ADAT2: variants seen among roughly 807,000 people sequenced by gnomAD.
ADAT2 encodes tRNA-specific adenosine-34 deaminase catalytic subunit ADAT2.
In ADAT2, 26 loss-of-function variants were observed where a neutral mutation model predicts 25.9. The observed-to-expected ratio is 1.00, with a 90% CI of 0.74 to 1.39. The LOEUF is 1.39. Ranked by LOEUF, ADAT2 falls within the 40% of genes most tolerant of loss-of-function variation. The probability of loss-of-function intolerance (pLI) is 0.00; values close to 1 mark genes in which losing one functional copy is unlikely to be tolerated. For missense variants in ADAT2, 220 were observed against 244.8 expected (o/e 0.90, Z 0.68); for synonymous variants, 76 against 86.8 (o/e 0.88, Z 0.69).
chr6:143,448,168 G>A (rs958343004), intron 1 of ADAT2, among the ~76,000 whole-genome samples: 3 of 151,870 alleles, frequency 2.0e-5, no homozygotes, highest in Admixed American at 6.6e-5. Flanking sequence ...ACCAAACACC[G>A]CATGTTCTCA....
rs1410912870 is a variant in ADAT2 at position 143,427,145 on chromosome 6, AATT to A, written c.*1315_*1317del. On this transcript the variant is annotated 3_prime_UTR_variant, in exon 6 of 6. Coordinates refer to ENST00000237283, the MANE Select transcript of ADAT2 (RefSeq NM_182503.3). ...CACACACACACACACAAAACCAAGCAATTATAAGTCCTCTGAAGCATGTAACTG... is the reference window on the plus strand; with the variant it reads ...CACACACACACACACAAAACCAAGCAATAAGTCCTCTGAAGCATGTAACTG... The A allele has an allele frequency of 2.0e-5, 3 of 151,506 alleles. No individual in the cohort carries two copies. Among genetic ancestry groups the A allele is most frequent in the Admixed American group, 6.6e-5 (1 of 15,134 alleles). 9.4% of individuals were successfully genotyped at this position (151,506 alleles called of 1,614,324 possible). A position where few individuals can be genotyped will look rare whatever the true frequency, so the allele number is the denominator to read the frequency against.
intron 1 of ADAT2, among the ~76,000 whole-genome samples, chr6:143,448,366 C>A (rs971085796): frequency 1.3e-5 from 2 of 152,038 alleles, no homozygotes; most frequent in African/African-American, 4.8e-5. Flanking sequence ...CAAACCTGCA[C>A]ATTGTGCACA....
intron 4 of ADAT2, among the ~76,000 whole-genome samples, chr6:143,430,343 G>A (rs966660922): frequency 6.6e-6 from 1 of 152,028 alleles, no homozygotes; most frequent in African/African-American, 2.4e-5. Flanking sequence ...AGCACTGTTG[G>A]CCCCCTGCCT....
chr6:143,430,554 G>T lies in ADAT2; in HGVS notation c.460-1870C>A, dbSNP rs369890770. On this transcript the variant is annotated intron_variant, in intron 4 of 5. Coordinates refer to ENST00000237283, the MANE Select transcript of ADAT2 (RefSeq NM_182503.3). ...AACAAATTTGTGGTGTTAATAAAAAGCAAACATTCATAATAATTTTTTTTT... is the reference window on the plus strand; with the variant it reads ...AACAAATTTGTGGTGTTAATAAAAATCAAACATTCATAATAATTTTTTTTT... 2.7e-5 allele frequency among the ~76,000 whole-genome samples: 4 copies of T among 149,272 alleles called. No homozygotes were observed. In the South Asian group the frequency reaches 8.4e-4, roughly 31 times the overall value.
Position 143,444,935 on chromosome 6 carries a change from GCA to G in ADAT2, c.96+5626_96+5627del, listed in dbSNP as rs1427282162. On this transcript the variant is annotated intron_variant, in intron 1 of 5. Transcript: ENST00000237283. The surrounding 1 kb of genome is among the most constrained non-coding windows in gnomAD (Gnocchi z 4.3). Reference sequence around the variant, plus strand: ...GGAGAGATGGAAACAGACCTTGTTTGCACACAGTTTGATGAGTCCTTAAAGAA... The same window carrying G: ...GGAGAGATGGAAACAGACCTTGTTTGCACAGTTTGATGAGTCCTTAAAGAA... 6 of 1,303,038 alleles carry G rather than the reference GCA, an allele frequency of 4.6e-6. No homozygotes were observed. The highest frequency in any genetic ancestry group is 6.1e-6 in the Non-Finnish European group (6 of 988,464). The allele number at this position is 1,303,038 out of a possible 1,614,324, so 80.7% of individuals were successfully genotyped here.
chr6:143,449,084 T>C (rs565534002), intron 1 of ADAT2, among the ~76,000 whole-genome samples: 3 of 152,058 alleles, frequency 2.0e-5, no homozygotes, highest in Admixed American at 1.3e-4. Flanking sequence ...TCTGGCTCTG[T>C]CTCCCAGGTT....
Position 143,450,583 on chromosome 6 carries a change from T to C in ADAT2, c.76A>G (p.Met26Val), listed in dbSNP as rs1779733450. The change falls in exon 1 of 6, where the codon ATG (methionine) becomes GTG (valine). Residue 26 changes from methionine to valine, a missense_variant. Met to Val is a conservative substitution (Grantham distance 21, BLOSUM62 1). Coordinates refer to ENST00000237283, the MANE Select transcript of ADAT2 (RefSeq NM_182503.3). ...CTCACCATGTGCATCGCCTCCTCCA[T>C]CCACTTTTCGGTCTCCTCTGCCGAC... ...SVSAEETEKW[M>V]EEAMHMAKEA... 3.7e-6 allele frequency: 6 copies of C among 1,613,938 alleles called. No homozygotes were observed. The highest frequency in any genetic ancestry group is 2.2e-5 in the East Asian group (1 of 44,872).
chr6:143,448,697 C>T (rs1779666000), intron 1 of ADAT2, among the ~76,000 whole-genome samples: 3 of 148,084 alleles, frequency 2.0e-5, no homozygotes, highest in Non-Finnish European at 3.0e-5. Flanking sequence ...GCTACTCACT[C>T]GTCACTTCTT....
At position 143,423,477 on chromosome 6, in the gene ADAT2, A is replaced by C. The variant is rs1422995988; in HGVS notation, c.*4986T>G. ...TTGTGGACTCCTGCTCTAGATTCTCAAGTTCATGCTTCAACATGTTAAAGA... is the reference window on the plus strand; with the variant it reads ...TTGTGGACTCCTGCTCTAGATTCTCCAGTTCATGCTTCAACATGTTAAAGA... On this transcript the variant is annotated 3_prime_UTR_variant, in exon 6 of 6. Transcript: ENST00000237283. 6.6e-6 allele frequency: 1 copy of C among 152,204 alleles called. No individual in the cohort carries two copies. The highest frequency in any genetic ancestry group is 1.5e-5 in the Non-Finnish European group (1 of 68,044). The allele number at this position is 152,204 out of a possible 1,614,324, so 9.4% of individuals were successfully genotyped here.
Position 143,428,376 on chromosome 6 carries a change from CAT to C in ADAT2, c.*85_*86del, listed in dbSNP as rs1465153237. ...CTGCAGATTAAAAACAATATATAAA[CAT>C]ATGATTCAACGATGTCAACAGCTTT... On this transcript the variant is annotated 3_prime_UTR_variant, in exon 6 of 6. Coordinates refer to ENST00000237283, the MANE Select transcript of ADAT2 (RefSeq NM_182503.3). The surrounding 1 kb of genome is among the most constrained non-coding windows in gnomAD (Gnocchi z 5.0). The C allele has an allele frequency of 1.3e-5, 19 of 1,424,154 alleles. No individual in the cohort carries two copies. Among genetic ancestry groups the C allele is most frequent in the Admixed American group, 1.9e-5 (1 of 52,526 alleles). 88.2% of individuals were successfully genotyped at this position (1,424,154 alleles called of 1,614,324 possible).
chr6:143,428,870 T>TACTCCCAATCAACTGTTATTAGGCATC lies in ADAT2; in HGVS notation c.460-213_460-187dup, dbSNP rs1433819461. 6.6e-6 allele frequency among the ~76,000 whole-genome samples: 1 copy of TACTCCCAATCAACTGTTATTAGGCATC among 152,224 alleles called. No homozygotes were observed. The highest frequency in any genetic ancestry group is 2.4e-5 in the African/African-American group (1 of 41,448). ...ATGTTTGATATATCATCTTTTTCAT[T>TACTCCCAATCAACTGTTATTAGGCATC]ACTCCCAATCAACTGTTATTAGGCA... On this transcript the variant is annotated intron_variant, in intron 4 of 5. Transcript: ENST00000237283. The surrounding 1 kb of genome is among the most constrained non-coding windows in gnomAD (Gnocchi z 5.0).
rs61737651 is a variant in ADAT2, at chr6:143,428,478, T to A, written c.561A>T (p.Glu187Asp). The A allele has an allele frequency of 7.9e-3, 12,810 of 1,613,844 alleles. 882 individuals are homozygous for A. In the African/African-American group the frequency reaches 0.15, roughly 19 times the overall value. Residue 187 changes from glutamate (E) to aspartate (D), a missense_variant, in exon 6 of 6, where the codon GAA (glutamate) becomes GAT (aspartate). By Grantham distance (45) the Glu-to-Asp change is conservative (BLOSUM62 2). Coordinates refer to ENST00000237283, the MANE Select transcript of ADAT2 (RefSeq NM_182503.3). This position sits in a 1 kb window ranked among gnomAD's most constrained non-coding sequence, Gnocchi z 5.0. ...NAPKSKVRKK[E>D]CQKS is the part of the protein sequence containing the mutation. ...CAGAACATGTTCAAGATTTCTGACA[T>A]TCCTTTTTCCGAACTTTCGATTTTG... is the stretch of plus-strand genomic sequence containing the variant.
chr6:143,429,777 G>C (rs1562636066), intron 4 of ADAT2, among the ~76,000 whole-genome samples: 1 of 152,186 alleles, frequency 6.6e-6, no homozygotes, highest in Non-Finnish European at 1.5e-5. Flanking sequence ...AGGCACAGAG[G>C]ACAGGAGGAC....
At chr6:143,438,722 C>A (rs375479014) in intron 1 of ADAT2, 28 bp from the exon 2 acceptor site, 22 of 1,545,434 alleles carry the variant, frequency 1.4e-5, no homozygotes, top group Non-Finnish European at 1.9e-5. Context: ...AAATGTAAGA[C>A]GTAATACTCC....
At chr6:143,445,209 C>A (rs542201752) in intron 1 of ADAT2, among the ~76,000 whole-genome samples, 2 of 152,050 alleles carry the variant, frequency 1.3e-5, no homozygotes, top group East Asian at 1.9e-4. Context: ...GGTCTCCCAA[C>A]TATCACCCAC....
At position 143,424,071 on chromosome 6, in the gene ADAT2, A is replaced by G. The variant is rs1265853702; in HGVS notation, c.*4392T>C. The G allele has an allele frequency of 6.6e-6, 1 of 152,182 alleles. No individual in the cohort carries two copies. The highest frequency in any genetic ancestry group is 2.4e-5 in the African/African-American group (1 of 41,436). The allele number at this position is 152,182 out of a possible 1,614,324, so 9.4% of individuals were successfully genotyped here. On this transcript the variant is annotated 3_prime_UTR_variant, in exon 6 of 6. Transcript: ENST00000237283. The surrounding 1 kb of genome is among the most constrained non-coding windows in gnomAD (Gnocchi z 4.8). The stretch of plus-strand genomic sequence containing the variant: ...TCACGAGCCTGTTTTCATTAGCTCA[A>G]CTTGAAGAAAATGTAAGATCCTAAA...
chr6:143,432,590 C>T lies in ADAT2; in HGVS notation c.374G>A (p.Gly125Asp), dbSNP rs756666759. The T allele has an allele frequency of 5.0e-6, 8 of 1,614,160 alleles. No individual in the cohort carries two copies. The highest frequency in any genetic ancestry group is 5.9e-6 in the Non-Finnish European group (7 of 1,180,014). The change falls in exon 4 of 6, where the codon GGC becomes GAC. Residue 125 changes from glycine to aspartate, a missense_variant. By Grantham distance (94) the Gly-to-Asp change is moderately conservative (BLOSUM62 -1). Coordinates refer to ENST00000237283, the MANE Select transcript of ADAT2 (RefSeq NM_182503.3). This position sits in a 1 kb window ranked among gnomAD's most constrained non-coding sequence, Gnocchi z 4.4. ...RLMKIPLVVY[G>D]CQNERFGGCG... ...ACCACCAAATCGTTCATTCTGACAG[C>T]CATATACAACCAGCGGGATTTATAA...
Position 143,447,022 on chromosome 6 carries a change from T to C in ADAT2, c.96+3541A>G, listed in dbSNP as rs572031990. On this transcript the variant is annotated intron_variant, in intron 1 of 5. Transcript: ENST00000237283. Reference sequence around the variant, plus strand: ...ATGATAACCTATGATGATGCTATGCTTAGCTCTCAGAAAGAAACCTGCCAT... The same window carrying C: ...ATGATAACCTATGATGATGCTATGCCTAGCTCTCAGAAAGAAACCTGCCAT... 2.0e-5 allele frequency among the ~76,000 whole-genome samples: 3 copies of C among 152,358 alleles called. No homozygotes were observed. The South Asian group carries it at 6.2e-4, about 32-fold the overall frequency.
At chr6:143,429,728 G>A (rs763166201) in intron 4 of ADAT2, among the ~76,000 whole-genome samples, 4 of 152,194 alleles carry the variant, frequency 2.6e-5, no homozygotes, top group Non-Finnish European at 5.9e-5. Flanking sequence ...TGCATGAAGT[G>A]ACACAATGAG....
Sources: gnomAD v4.1 joint callset for allele counts (sites outside exome capture counted in the v4.1 genomes callset) on GRCh38, gnomAD v4.1.1 for gene constraint, Gnocchi (gnomAD v3.1) non-coding constraint, MANE v1.5 for transcripts, NCBI Gene and HGNC (gene_info 2026-07-23, HGNC 2026-07-21) for gene names.